The following CHODL variants were observed in gnomAD, a reference collection of about 807,000 sequenced individuals.
The protein encoded by CHODL is transmembrane protein MT75.
Under a neutral mutation model 34.5 loss-of-function variants are expected in CHODL, and 29 were observed. The observed-to-expected ratio is 0.84, with a 90% CI of 0.63 to 1.15. The LOEUF (loss-of-function observed/expected upper bound fraction) is 1.15, where lower values mean the gene tolerates loss of function less well. Ranked by LOEUF, CHODL falls within the 50% of genes most tolerant of loss-of-function variation. CHODL has a pLI of 0.00. For missense variants in CHODL, 332 were observed against 332.5 expected, an observed-to-expected ratio of 1.00 and a Z score of 0.01; for synonymous variants, 125 against 116.1, an observed-to-expected ratio of 1.08 and a Z score of -0.49.
chr21:17,985,712 T>G (rs2063748366), intron 1 of CHODL, among the ~76,000 whole-genome samples: 1 of 152,212 alleles, frequency 6.6e-6, no homozygotes, highest in Admixed American at 6.5e-5. Flanking sequence ...GGGTCAATTT[T>G]TTTGGGTTAA....
intron 1 of CHODL, among the ~76,000 whole-genome samples, chr21:17,992,500 T>A (rs2063805286): frequency 3.3e-5 from 5 of 152,130 alleles, no homozygotes. Flanking sequence ...GTTTTGCAGT[T>A]TTCACTGTAG....
chr21:18,213,692 T>A (rs1338028463), intron 2 of CHODL, among the ~76,000 whole-genome samples: 4 of 152,120 alleles, frequency 2.6e-5, no homozygotes, highest in African/African-American at 9.7e-5. Context: ...TCTGATTGAA[T>A]TATGGCTGGG....
chr21:18,026,814 C>T (rs1297451168), intron 1 of CHODL, among the ~76,000 whole-genome samples: 2 of 152,162 alleles, frequency 1.3e-5, no homozygotes, highest in Non-Finnish European at 2.9e-5. Context: ...ACATTCTTAA[C>T]TTCAACTCCA....
Position 18,170,655 on chromosome 21 carries a change from A to G in CHODL, c.-44-85854A>G, listed in dbSNP as rs145342824. ...AATACCAACTTAATTTCAATTGTAT[A>G]TCAAAATTTCACTCTTACATAACCT... is the stretch of plus-strand genomic sequence containing the variant. On this transcript the variant is annotated intron_variant, in intron 2 of 6. Coordinates refer to the CHODL transcript ENST00000400127. Among the ~76,000 whole-genome samples the G allele has an allele frequency of 5.1e-3, 771 of 152,270 alleles. 6 individuals are homozygous for G. The highest frequency in any genetic ancestry group is 0.017 in the African/African-American group (694 of 41,576).
chr21:18,083,533 C>A (rs1449113732), intron 2 of CHODL, among the ~76,000 whole-genome samples: 1 of 152,190 alleles, frequency 6.6e-6, no homozygotes, highest in African/African-American at 2.4e-5. Context: ...AGTCACTCAA[C>A]ACCAACCCAT....
chr21:18,159,591 T>C (rs1218560337), intron 2 of CHODL, among the ~76,000 whole-genome samples: 1 of 152,218 alleles, frequency 6.6e-6, no homozygotes, highest in East Asian at 1.9e-4. Flanking sequence ...TTGTGTTTAG[T>C]ATTTTGGGAA....
At chr21:17,934,935 C>G (rs1046453895) in intron 1 of CHODL, among the ~76,000 whole-genome samples, 1 of 152,124 alleles carries the variant, frequency 6.6e-6, no homozygotes, top group African/African-American at 2.4e-5. Flanking sequence ...TGAAGGATTC[C>G]TGGGCAGCCC....
intron 2 of CHODL, among the ~76,000 whole-genome samples, chr21:18,089,772 G>C (rs539343713): frequency 7.2e-5 from 11 of 152,092 alleles, no homozygotes; most frequent in Non-Finnish European, 1.5e-4. Context: ...GAAGAGGATA[G>C]GAGAATTCTA....
intron 2 of CHODL, among the ~76,000 whole-genome samples, chr21:18,073,050 G>A (rs961196614): frequency 6.6e-6 from 1 of 152,044 alleles, no homozygotes; most frequent in South Asian, 2.1e-4. Context: ...ATTTAGATAA[G>A]GAATATTTTG....
intron 4 of CHODL, among the ~76,000 whole-genome samples, chr21:18,261,214 C>CT (rs906229708): frequency 1.3e-5 from 2 of 152,072 alleles, no homozygotes; most frequent in African/African-American, 2.4e-5. Flanking sequence ...CTTGAATTTG[C>CT]TTTTTTTGCA....
At chr21:18,195,686 A>G (rs2073578811) in intron 2 of CHODL, among the ~76,000 whole-genome samples, 1 of 152,108 alleles carries the variant, frequency 6.6e-6, no homozygotes, top group Non-Finnish European at 1.5e-5. Context: ...GCATTTTTGC[A>G]GGTTTCTGAT....
intron 3 of CHODL, 112 bp downstream of exon 3, chr21:18,257,239 G>C: frequency 1.0e-6 from 1 of 966,264 alleles, no homozygotes; most frequent in Non-Finnish European, 1.5e-6. Context: ...CTGTGAAATA[G>C]AAAATTACCT....
At chr21:18,027,915 C>T (rs75288788) in exon 2 of CHODL, 1,807 of 152,670 alleles carry the variant, frequency 0.012, 90 homozygotes, top group Admixed American at 0.087. Context: ...GAGGTGGTCC[C>T]TCCCCAGAAA....
At chr21:17,967,427 T>C (rs1017651243) in intron 1 of CHODL, among the ~76,000 whole-genome samples, 1 of 152,192 alleles carries the variant, frequency 6.6e-6, no homozygotes, top group African/African-American at 2.4e-5. Flanking sequence ...TATCCTCTTC[T>C]TTGTGAGAAG....
intron 1 of CHODL, 33 bp downstream of exon 1, chr21:18,245,335 C>T: frequency 6.7e-7 from 1 of 1,485,350 alleles, no homozygotes; most frequent in Non-Finnish European, 8.9e-7. Flanking sequence ...GAAGAACGAG[C>T]GGGGAGAGGG....
intron 2 of CHODL, among the ~76,000 whole-genome samples, chr21:18,157,987 A>G (rs2073054033): frequency 6.6e-6 from 1 of 152,118 alleles, no homozygotes; most frequent in East Asian, 1.9e-4. Context: ...AGGAAAGGCA[A>G]TAATAAATTG....
intron 1 of CHODL, among the ~76,000 whole-genome samples, chr21:17,943,994 G>T (rs182138093): frequency 6.6e-6 from 1 of 152,282 alleles, no homozygotes; most frequent in East Asian, 1.9e-4. Context: ...AGCACTCAGA[G>T]ATATCAGCTA....
At chr21:18,261,537 G>C (rs1283437330) in intron 4 of CHODL, among the ~76,000 whole-genome samples, 1 of 151,718 alleles carries the variant, frequency 6.6e-6, no homozygotes, top group Non-Finnish European at 1.5e-5. Flanking sequence ...CGTGGTGGCA[G>C]GTCCCTGTAA....
At chr21:18,013,634 G>GTTTTTTTTTTTTTT (rs1568844372) in intron 1 of CHODL, among the ~76,000 whole-genome samples, 5 of 36,268 alleles carry the variant, frequency 1.4e-4, no homozygotes, top group Non-Finnish European at 2.7e-4. Context: ...TGCTGCTGCT[G>GTTTTTTTTTTTTTT]CTTTTTTTTT....
Sources: gnomAD v4.1 joint callset for allele counts (sites outside exome capture counted in the v4.1 genomes callset) on GRCh38, gnomAD v4.1.1 for gene constraint, MANE v1.5 for transcripts, NCBI Gene and HGNC (gene_info 2026-07-23, HGNC 2026-07-21) for gene names.